The following GPRC5C variants were observed in gnomAD, a reference collection of about 807,000 sequenced individuals.
The protein encoded by GPRC5C is G protein-coupled receptor family C group 5 member C.
In GPRC5C, 22 loss-of-function variants were observed where a neutral mutation model predicts 31.4. That is an observed-to-expected ratio of 0.70 (90% CI 0.50 to 1.00). The LOEUF (loss-of-function observed/expected upper bound fraction) is 1.00, where lower values mean the gene tolerates loss of function less well. Among genes scored for constraint, GPRC5C ranks in the 50% least tolerant of loss-of-function variants. The pLI, the probability that GPRC5C is intolerant of heterozygous loss-of-function variation, is 0.00. For synonymous variants in GPRC5C, 249 were observed against 257.5 expected, an observed-to-expected ratio of 0.97 and a Z score of 0.32; for missense variants, 557 against 597.2, an observed-to-expected ratio of 0.93 and a Z score of 0.70.
chr17:74,435,516 G>A (rs1394666465), intron 1 of GPRC5C, among the ~76,000 whole-genome samples: 1 of 132,794 alleles, frequency 7.5e-6, no homozygotes, highest in East Asian at 1.9e-4. Context: ...CCTGGCTGCT[G>A]GGCAGCAGCA....
rs776195098 is a variant in GPRC5C at position 74,439,781 on chromosome 17, C to G, written c.5C>G (p.Ala2Gly). 2.5e-6 allele frequency: 4 copies of G among 1,610,008 alleles called. No homozygotes were observed. Among genetic ancestry groups the G allele is most frequent in the Middle Eastern group, 1.7e-4 (1 of 6,040 alleles). Reference sequence around the variant, plus strand: ...GAGCCTGGCCTGGGAGCCAGGATGGCCATCCACAAAGCCTTGGTGATGTGC... The same window carrying G: ...GAGCCTGGCCTGGGAGCCAGGATGGGCATCCACAAAGCCTTGGTGATGTGC... M[A>G]IHKALVMCLG... Residue 2 changes from alanine to glycine, a missense_variant, in exon 2 of 4, where the codon GCC becomes GGC. Physicochemically the swap from Ala to Gly is moderately conservative, Grantham distance 60. Transcript: ENST00000392627.
At chr17:74,451,404 GCCAAGTGGAGA>G (rs1193133398), downstream of GPRC5C, 1 of 152,216 alleles carries the variant, frequency 6.6e-6, no homozygotes, top group African/African-American at 2.4e-5. Context: ...TCCCGCCCGG[GCCAAGTGGAGA>G]AGAAGTTAGA....
At chr17:74,438,526 G>T (rs923840950) in intron 1 of GPRC5C, among the ~76,000 whole-genome samples, 3 of 151,912 alleles carry the variant, frequency 2.0e-5, no homozygotes, top group Non-Finnish European at 4.4e-5. Flanking sequence ...CTCCCAAAGT[G>T]CTGGGATTAC....
intron 1 of GPRC5C, chr17:74,433,732 C>T (rs2055389474): frequency 1.2e-6 from 2 of 1,613,590 alleles, no homozygotes; most frequent in Non-Finnish European, 1.7e-6. Flanking sequence ...GGTCACAGCA[C>T]CCTTGAAGAC....
At chr17:74,443,504 G>A (rs1217825849) in intron 2 of GPRC5C, 1 of 510,960 alleles carries the variant, frequency 2.0e-6, no homozygotes, top group South Asian at 1.6e-5. Flanking sequence ...GAGGGCGGAT[G>A]GGGATGTGGA....
At position 74,440,818 on chromosome 17, in the gene GPRC5C, C is replaced by G. The variant is rs1185216538; in HGVS notation, c.1042C>G (p.Pro348Ala). 6.7e-7 allele frequency: 1 copy of G among 1,487,708 alleles called. No homozygotes were observed. The highest frequency in any genetic ancestry group is 2.2e-5 in the Admixed American group (1 of 45,440). The allele number at this position is 1,487,708 out of a possible 1,614,324, so 92.2% of individuals were successfully genotyped here. A position where few individuals can be genotyped will look rare whatever the true frequency, so the allele number is the denominator to read the frequency against. The change falls in exon 2 of 4, where the codon CCG becomes GCG. Residue 348 changes from proline to alanine, a missense_variant. By Grantham distance (27) the Pro-to-Ala change is conservative. Coordinates refer to ENST00000392627, the MANE Select transcript of GPRC5C (RefSeq NM_022036.4). This position sits in a 1 kb window ranked among gnomAD's most constrained non-coding sequence, Gnocchi z 4.4. Reference protein sequence around the residue: ...VENKAFSMDEPVAAKRPVSPY... With the variant: ...VENKAFSMDEAVAAKRPVSPY... ...GAACAAGGCCTTTTCCATGGATGAG[C>G]CGGTTGCAGGTGGGTCTCTGTGGAT...
In GPRC5C at chr17:74,440,892, G is replaced by C. The variant is rs780019933; in HGVS notation, c.1051+65G>C. 4.3e-5 allele frequency: 59 copies of C among 1,361,270 alleles called. No individual in the cohort carries two copies. Among genetic ancestry groups the C allele is most frequent in the Non-Finnish European group, 5.6e-5 (58 of 1,038,740 alleles). The allele number at this position is 1,361,270 out of a possible 1,614,324, so 84.3% of individuals were successfully genotyped here. A position where few individuals can be genotyped will look rare whatever the true frequency, so the allele number is the denominator to read the frequency against. ...TCCCATGTCTTTTACTGCAGGACAGGGAGCCAGTCTCTTGAGCAAAATGGA... is the reference window on the plus strand; with the variant it reads ...TCCCATGTCTTTTACTGCAGGACAGCGAGCCAGTCTCTTGAGCAAAATGGA... On this transcript the variant is annotated intron_variant, in intron 2 of 3. Coordinates refer to ENST00000392627, the MANE Select transcript of GPRC5C (RefSeq NM_022036.4). This position sits in a 1 kb window ranked among gnomAD's most constrained non-coding sequence, Gnocchi z 4.4.
At chr17:74,433,194 T>C (rs114186456) in intron 1 of GPRC5C, among the ~76,000 whole-genome samples, 3,653 of 152,140 alleles carry the variant, frequency 0.024, 150 homozygotes, top group African/African-American at 0.083. Context: ...GAGGAGACTG[T>C]TGGAAGTAGG....
intron 1 of GPRC5C, among the ~76,000 whole-genome samples, chr17:74,436,466 CCT>C (rs2144408502): frequency 6.6e-6 from 1 of 152,208 alleles, no homozygotes; most frequent in East Asian, 1.9e-4. Context: ...TCCTGTAGCC[CCT>C]GTCTCTCTCC....
chr17:74,448,074 C>T (rs2055669259), downstream of GPRC5C, among the ~76,000 whole-genome samples: 1 of 152,022 alleles, frequency 6.6e-6, no homozygotes, highest in South Asian at 2.1e-4. Flanking sequence ...TTTGGGAGGC[C>T]AAGGTGGGAG....
At position 74,440,711 on chromosome 17, in the gene GPRC5C, A is replaced by C. The variant is rs938427915; in HGVS notation, c.935A>C (p.Tyr312Ser). 1 of 1,605,154 alleles carries C rather than the reference A, an allele frequency of 6.2e-7. No individual in the cohort carries two copies. Among genetic ancestry groups the C allele is most frequent in the Non-Finnish European group, 8.5e-7 (1 of 1,173,352 alleles). Residue 312 changes from tyrosine to serine, a missense_variant, in exon 2 of 4, where the codon TAC (tyrosine) becomes TCC (serine). By Grantham distance (144) the Tyr-to-Ser change is moderately radical. Transcript: ENST00000392627. The surrounding 1 kb of genome is among the most constrained non-coding windows in gnomAD (Gnocchi z 4.4). Reference protein sequence around the residue: ...QVTKSSPEQSYQGDMYPTRGV... With the variant: ...QVTKSSPEQSSQGDMYPTRGV... Reference sequence around the variant, plus strand: ...ACCAAGTCCAGCCCAGAGCAAAGCTACCAGGGGGACATGTACCCCACCCGG... The same window carrying C: ...ACCAAGTCCAGCCCAGAGCAAAGCTCCCAGGGGGACATGTACCCCACCCGG...
At chr17:74,436,377 C>G (rs1285552741) in intron 1 of GPRC5C, among the ~76,000 whole-genome samples, 1 of 152,094 alleles carries the variant, frequency 6.6e-6, no homozygotes. Flanking sequence ...TGTCTGGGAC[C>G]TGGTATGTTT....
Position 74,447,032 on chromosome 17 carries a change from A to AGCGGTG in GPRC5C, c.*8_*13dup, listed in dbSNP as rs1240122540. Reference sequence around the variant, plus strand: ...AAACCCCTACGTGTGGGACTGAGTCAGCGGTGGCGAGGAGAGGCGGGCGGA... The same window carrying AGCGGTG: ...AAACCCCTACGTGTGGGACTGAGTCAGCGGTGGCGGTGGCGAGGAGAGGCGGGCGGA... On this transcript the variant is annotated 3_prime_UTR_variant, in exon 4 of 4. Transcript: ENST00000392627. 2 of 1,605,526 alleles carry AGCGGTG rather than the reference A, an allele frequency of 1.2e-6. No individual in the cohort carries two copies. The highest frequency in any genetic ancestry group is 1.7e-6 in the Non-Finnish European group (2 of 1,172,936).
intron 2 of GPRC5C, among the ~76,000 whole-genome samples, chr17:74,442,682 T>G (rs114191159): frequency 0.012 from 1,802 of 152,328 alleles, 38 homozygotes; most frequent in African/African-American, 0.042. Context: ...CATTCCTTTC[T>G]CTTCTACACA....
chr17:74,432,485 C>G (rs1315577249), intron 1 of GPRC5C: 3 of 1,046,602 alleles, frequency 2.9e-6, no homozygotes, highest in Non-Finnish European at 3.4e-6. Flanking sequence ...GAGTTGGCCC[C>G]AAACGCTGCG....
intron 1 of GPRC5C, among the ~76,000 whole-genome samples, chr17:74,436,782 C>G (rs955640302): frequency 3.3e-5 from 5 of 152,218 alleles, no homozygotes; most frequent in Admixed American, 6.5e-5. Flanking sequence ...GGGTTCTCTT[C>G]CCTACGTCCA....
intron 1 of GPRC5C, among the ~76,000 whole-genome samples, chr17:74,435,587 A>G (rs560831785): frequency 1.3e-4 from 20 of 152,276 alleles, no homozygotes; most frequent in African/African-American, 4.8e-4. Context: ...GAAAGTTTCT[A>G]TATTGAGGGG....
Position 74,447,258 on chromosome 17 carries a change from A to C in GPRC5C, c.*230A>C, listed in dbSNP as rs774422751. On this transcript the variant is annotated 3_prime_UTR_variant, in exon 4 of 4. Coordinates refer to ENST00000392627, the MANE Select transcript of GPRC5C (RefSeq NM_022036.4). Reference sequence around the variant, plus strand: ...CCAACCCCAGCCTCCTGCCAGGATCACCTCGGCGGTCACACTCCAGCCAAA... The same window carrying C: ...CCAACCCCAGCCTCCTGCCAGGATCCCCTCGGCGGTCACACTCCAGCCAAA... 7.8e-7 allele frequency: 1 copy of C among 1,278,062 alleles called. No individual in the cohort carries two copies. The highest frequency in any genetic ancestry group is 9.9e-7 in the Non-Finnish European group (1 of 1,010,120). 79.2% of individuals were successfully genotyped at this position (1,278,062 alleles called of 1,614,324 possible).
Position 74,439,885 on chromosome 17 carries a change from C to A in GPRC5C, c.109C>A (p.Pro37Thr), listed in dbSNP as rs1189167119. 1 of 1,613,220 alleles carries A rather than the reference C, an allele frequency of 6.2e-7. No homozygotes were observed. Among genetic ancestry groups the A allele is most frequent in the South Asian group, 1.1e-5 (1 of 91,090 alleles). The change falls in exon 2 of 4, where the codon CCC (proline) becomes ACC (threonine). Residue 37 changes from proline to threonine, a missense_variant. Pro to Thr is a conservative substitution (Grantham distance 38). Coordinates refer to ENST00000392627, the MANE Select transcript of GPRC5C (RefSeq NM_022036.4). ...VPPGCSQGLN[P>T]LYYNLCDRSG... ...ACCCGGCTGCAGCCAAGGCCTCAAC[C>A]CCCTGTACTACAACCTGTGTGACCG...
Sources: allele counts gnomAD v4.1 joint callset (sites outside exome capture counted in the v4.1 genomes callset), GRCh38; gene constraint gnomAD v4.1.1; non-coding constraint Gnocchi (gnomAD v3.1); transcripts MANE v1.5; gene names NCBI Gene and HGNC (gene_info 2026-07-23, HGNC 2026-07-21).